ABLIM2: variants seen among roughly 807,000 people sequenced by gnomAD.
The protein encoded by ABLIM2 is actin binding LIM protein family member 2, also known as actin-binding LIM protein 2.
Under a neutral mutation model 97.7 loss-of-function variants are expected in ABLIM2, and 53 were observed. The ratio of observed to expected loss-of-function variants is 0.54; its 90% confidence interval spans 0.44 to 0.68. The LOEUF (loss-of-function observed/expected upper bound fraction) is 0.68, where lower values mean the gene tolerates loss of function less well. Among genes scored for constraint, ABLIM2 ranks in the 30% least tolerant of loss-of-function variants. The probability of loss-of-function intolerance (pLI) is 0.00; values close to 1 mark genes in which losing one functional copy is unlikely to be tolerated. For missense variants in ABLIM2, 835 were observed against 867.2 expected (o/e 0.96, Z 0.47); for synonymous variants, 361 against 345.8 (o/e 1.04, Z -0.49).
chr4:8,151,145 G>C lies in ABLIM2; in HGVS notation c.10+7535C>G, dbSNP rs9992602. Reference sequence around the variant, plus strand: ...GAGAAACACACAACTAGCAAGTGACGATTGGGGCTGGAGCCCAGGTGTGCC... The same window carrying C: ...GAGAAACACACAACTAGCAAGTGACCATTGGGGCTGGAGCCCAGGTGTGCC... On this transcript the variant is annotated intron_variant, in intron 1 of 20. Coordinates refer to ENST00000447017, the MANE Select transcript of ABLIM2 (RefSeq NM_001130083.2). Among the ~76,000 whole-genome samples the C allele has an allele frequency of 9.5e-3, 1,440 of 152,286 alleles. 28 individuals are homozygous for C. Among genetic ancestry groups the C allele is most frequent in the African/African-American group, 0.032 (1,333 of 41,544 alleles).
chr4:7,977,358 A>G (rs966037867), intron 20 of ABLIM2, among the ~76,000 whole-genome samples: 1 of 151,998 alleles, frequency 6.6e-6, no homozygotes, highest in African/African-American at 2.4e-5. Flanking sequence ...ATGGATGAAT[A>G]CACACACATA....
Position 8,097,159 on chromosome 4 carries a change from T to C in ABLIM2, c.278A>G (p.Glu93Gly), listed in dbSNP as rs764448823. ...GGTCTTGCCCAGCGCCGACACCACC[T>C]CACCCTCAATGAACTGGTCGCAGCT... ...CFSCDQFIEG[E>G]VVSALGKTYH... The change falls in exon 3 of 21, where the codon GAG becomes GGG. Residue 93 changes from glutamate (E) to glycine (G), a missense_variant. Transcript: ENST00000447017. 96 of 1,610,420 alleles carry C rather than the reference T, an allele frequency of 6.0e-5. No individual in the cohort carries two copies. Among genetic ancestry groups the C allele is most frequent in the Non-Finnish European group, 5.9e-6 (7 of 1,178,678 alleles).
chr4:8,124,606 G>A lies in ABLIM2; in HGVS notation c.11-17969C>T, dbSNP rs10002636. Among the ~76,000 whole-genome samples the A allele has an allele frequency of 3.2e-4, 48 of 152,334 alleles. No individual in the cohort carries two copies. Among genetic ancestry groups the A allele is most frequent in the African/African-American group, 1.1e-3 (46 of 41,588 alleles). On this transcript the variant is annotated intron_variant, in intron 1 of 20. Coordinates refer to ENST00000447017, the MANE Select transcript of ABLIM2 (RefSeq NM_001130083.2). The surrounding 1 kb of genome is among the most constrained non-coding windows in gnomAD (Gnocchi z 6.1). ...CAGTGCCTCTTTCCTTTTGATGGCTGAGAAATATTCCGTTGTACAGACAGA... is the reference window on the plus strand; with the variant it reads ...CAGTGCCTCTTTCCTTTTGATGGCTAAGAAATATTCCGTTGTACAGACAGA...
At chr4:7,987,749 G>T (rs561413068) in intron 17 of ABLIM2, among the ~76,000 whole-genome samples, 2 of 152,310 alleles carry the variant, frequency 1.3e-5, no homozygotes, top group East Asian at 3.9e-4. Flanking sequence ...GGTGGAGAAG[G>T]GGGAATACTT....
chr4:8,133,440 G>A (rs923725280), intron 1 of ABLIM2, among the ~76,000 whole-genome samples: 54 of 152,152 alleles, frequency 3.5e-4, no homozygotes, highest in Non-Finnish European at 8.8e-5. Flanking sequence ...CCTGCCTGCC[G>A]GTCCATATCT....
chr4:8,141,098 T>C (rs963916342), intron 1 of ABLIM2, among the ~76,000 whole-genome samples: 2 of 152,054 alleles, frequency 1.3e-5, no homozygotes, highest in Admixed American at 6.6e-5. Flanking sequence ...CATCTCCAGG[T>C]AGCGGGAAGG....
rs60416806 is a variant in ABLIM2, at chr4:8,023,077, C to T, written c.1268-2774G>A. On this transcript the variant is annotated intron_variant, in intron 12 of 20. Coordinates refer to ENST00000447017, the MANE Select transcript of ABLIM2 (RefSeq NM_001130083.2). The surrounding 1 kb of genome is among the most constrained non-coding windows in gnomAD (Gnocchi z 5.7). ...CTCTACTTTTTCCTCTTCCTCCTCC[C>T]CCTCCTCTCCTCTTCCATTTTTAAA... 13,493 of 152,444 alleles carry T rather than the reference C, an allele frequency of 0.089. 1,965 individuals are homozygous for T. The highest frequency in any genetic ancestry group is 0.31 in the African/African-American group (12,635 of 41,308). 9.4% of individuals were successfully genotyped at this position (152,444 alleles called of 1,614,324 possible).
intron 8 of ABLIM2, among the ~76,000 whole-genome samples, chr4:8,053,467 T>A (rs1298714608): frequency 1.3e-5 from 2 of 152,202 alleles, no homozygotes; most frequent in African/African-American, 4.8e-5. Flanking sequence ...CAAAATAAAC[T>A]TTCTAAATTA....
At chr4:8,134,439 G>A (rs909520142) in intron 1 of ABLIM2, among the ~76,000 whole-genome samples, 1 of 152,132 alleles carries the variant, frequency 6.6e-6, no homozygotes, top group Non-Finnish European at 1.5e-5. Context: ...CACACCCACA[G>A]CCCCTCCACA....
At chr4:8,154,015 T>G (rs1405064225) in intron 1 of ABLIM2, among the ~76,000 whole-genome samples, 2 of 146,300 alleles carry the variant, frequency 1.4e-5, no homozygotes, top group Non-Finnish European at 3.0e-5. Flanking sequence ...CAGGCTGGAG[T>G]GCAGTGGCGT....
rs183113958 is a variant in ABLIM2 at position 8,072,643 on chromosome 4, C to T, written c.675+4985G>A. ...AGGGTTGGGGGAAACCTGCGCACCC[C>T]GGGCTCCAGTCTGGCTCTGCCACCG... is the stretch of plus-strand genomic sequence containing the variant. On this transcript the variant is annotated intron_variant, in intron 6 of 20. Coordinates refer to ENST00000447017, the MANE Select transcript of ABLIM2 (RefSeq NM_001130083.2). The surrounding 1 kb of genome is among the most constrained non-coding windows in gnomAD (Gnocchi z 5.8). 2.6e-5 allele frequency among the ~76,000 whole-genome samples: 4 copies of T among 152,336 alleles called. No homozygotes were observed. The highest frequency in any genetic ancestry group is 1.9e-4 in the East Asian group (1 of 5,186).
At chr4:8,052,382 A>G (rs563869056) in intron 8 of ABLIM2, among the ~76,000 whole-genome samples, 153 of 152,326 alleles carry the variant, frequency 1.0e-3, no homozygotes, top group Non-Finnish European at 1.8e-3. Context: ...CCTGAGACCC[A>G]GCGCAGCCTC....
rs1467240658 is a variant in ABLIM2 at position 8,130,600 on chromosome 4, T to C, written c.11-23963A>G. On this transcript the variant is annotated intron_variant, in intron 1 of 20. Coordinates refer to ENST00000447017, the MANE Select transcript of ABLIM2 (RefSeq NM_001130083.2). The surrounding 1 kb of genome is among the most constrained non-coding windows in gnomAD (Gnocchi z 4.2). ...TTGAAGGGAGGCAGCCTGGCCCGAG[T>C]CCAGGGTGTGCTTGACGGCACCCAG... Among the ~76,000 whole-genome samples the C allele has an allele frequency of 3.3e-5, 5 of 151,244 alleles. No individual in the cohort carries two copies. The highest frequency in any genetic ancestry group is 3.9e-4 in the East Asian group (2 of 5,078).
rs553905270 is a variant in ABLIM2, at chr4:7,966,926, G to A, written c.*64C>T. The A allele has an allele frequency of 6.5e-5, 74 of 1,137,612 alleles. 1 individual carries two copies. Among genetic ancestry groups the A allele is most frequent in the South Asian group, 4.6e-4 (36 of 78,920 alleles). 70.5% of individuals were successfully genotyped at this position (1,137,612 alleles called of 1,614,324 possible). On this transcript the variant is annotated 3_prime_UTR_variant, in exon 21 of 21. Transcript: ENST00000447017. ...CAAGGTGTGTGGGAGGGGTGTGTGC[G>A]GTTCTCGCCAGGGGCCCCTGGCCTC...
chr4:8,151,911 C>T (rs1226226040), intron 1 of ABLIM2, among the ~76,000 whole-genome samples: 1 of 151,924 alleles, frequency 6.6e-6, no homozygotes, highest in African/African-American at 2.4e-5. Context: ...CACATGGGCT[C>T]AATGTGGTGA....
At chr4:8,009,268 G>A (rs1400797905) in intron 14 of ABLIM2, among the ~76,000 whole-genome samples, 166 bp from the exon 15 acceptor site, 1 of 152,198 alleles carries the variant, frequency 6.6e-6, no homozygotes. Context: ...AGCTGGAGGA[G>A]GTCCCCAGGG....
chr4:7,995,726 C>T (rs535447494), intron 16 of ABLIM2, among the ~76,000 whole-genome samples: 49 of 152,246 alleles, frequency 3.2e-4, no homozygotes, highest in African/African-American at 1.1e-3. Flanking sequence ...GGAACTCCCT[C>T]GACGCATGAG....
rs1288929855 is a variant in ABLIM2, at chr4:8,120,266, G to A, written c.11-13629C>T. Among the ~76,000 whole-genome samples the A allele has an allele frequency of 3.3e-5, 5 of 152,268 alleles. No individual in the cohort carries two copies. Among genetic ancestry groups the A allele is most frequent in the East Asian group, 1.9e-4 (1 of 5,176 alleles). On this transcript the variant is annotated intron_variant, in intron 1 of 20. Transcript: ENST00000447017. This position sits in a 1 kb window ranked among gnomAD's most constrained non-coding sequence, Gnocchi z 5.6. ...TGAACCGGGACCCCCAGATGCCCAC[G>A]TTGAAGTCCTAACCCCCGGACCTCG...
chr4:8,051,899 C>T (rs910276664), intron 8 of ABLIM2, among the ~76,000 whole-genome samples: 4 of 152,298 alleles, frequency 2.6e-5, no homozygotes, highest in East Asian at 1.9e-4. Flanking sequence ...TCAAACCAAT[C>T]GCCTAAGCCC....
Sources: allele counts gnomAD v4.1 joint callset (sites outside exome capture counted in the v4.1 genomes callset), GRCh38; gene constraint gnomAD v4.1.1; non-coding constraint Gnocchi (gnomAD v3.1); transcripts MANE v1.5; gene names NCBI Gene and HGNC (gene_info 2026-07-23, HGNC 2026-07-21).